Variants in GATB observed in about 807,000 individuals in gnomAD.
GATB encodes the protein glutamyl-tRNA(Gln) amidotransferase subunit B, mitochondrial.
In GATB, 39 loss-of-function variants were observed where a neutral mutation model predicts 62.3. The ratio of observed to expected loss-of-function variants is 0.63; its 90% CI spans 0.48 to 0.82. The LOEUF (loss-of-function observed/expected upper bound fraction) is 0.82. Ranked by LOEUF, GATB falls within the 40% of genes least tolerant of loss-of-function variation. The probability of loss-of-function intolerance (pLI) is 0.00; values close to 1 mark genes in which losing one functional copy is unlikely to be tolerated. For synonymous variants in GATB, 276 were observed against 258.9 expected, an observed-to-expected ratio of 1.07 and a Z score of -0.63; for missense variants, 670 against 684.0, an observed-to-expected ratio of 0.98 and a Z score of 0.23.
In GATB at chr4:151,716,141, A is replaced by G. The variant is rs1221159240; in HGVS notation, c.641-10T>C. 6.2e-7 allele frequency: 1 copy of G among 1,611,362 alleles called. No individual in the cohort carries two copies. The highest frequency in any genetic ancestry group is 1.3e-5 in the African/African-American group (1 of 74,798). The stretch of plus-strand genomic sequence containing the variant: ...TCCAGAAGGCCCACTCCTACCAAAG[A>G]GGGGCAGAGTCAGCCTCACTGCAGC... On this transcript the variant is annotated splice_polypyrimidine_tract_variant and intron_variant, in intron 4 of 12. Transcript: ENST00000263985.
rs533848852 is a variant in GATB at position 151,757,622 on chromosome 4, A to G, written c.327+1150T>C. 1.9e-4 allele frequency among the ~76,000 whole-genome samples: 29 copies of G among 152,090 alleles called. No homozygotes were observed. The South Asian group carries it at 5.2e-3, about 27-fold the overall frequency. On this transcript the variant is annotated intron_variant, in intron 2 of 12. Transcript: ENST00000263985. ...CCAGTAACTGGGACTACAGGAGCCC[A>G]CCACCATGCCCGGCTAATTTTTTGC... is the stretch of plus-strand genomic sequence containing the variant.
In GATB at chr4:151,699,257, C is replaced by T. The variant is rs562870489; in HGVS notation, c.1197+2072G>A. On this transcript the variant is annotated intron_variant, in intron 9 of 12. Transcript: ENST00000263985. ...ACAAAAAATTAGCCAGGAGTGGTGG[C>T]GCATGCCTGGAATCCCAGCTACTCG... 4.0e-4 allele frequency among the ~76,000 whole-genome samples: 60 copies of T among 151,890 alleles called. 1 individual carries two copies. In the South Asian group the frequency reaches 9.0e-3, roughly 23 times the overall value.
chr4:151,671,431 G>C, intron 12 of GATB, 129 bp from the exon 13 acceptor site: 1 of 886,148 alleles, frequency 1.1e-6, no homozygotes. Flanking sequence ...GACATAAAAT[G>C]TAGAACAGAA....
intron 11 of GATB, among the ~76,000 whole-genome samples, chr4:151,676,937 G>C (rs1738019028): frequency 6.6e-6 from 1 of 152,226 alleles, no homozygotes; most frequent in Non-Finnish European, 1.5e-5. Context: ...GACAGGCAGA[G>C]AAAGGCAGAT....
intron 9 of GATB, among the ~76,000 whole-genome samples, chr4:151,699,295 G>A (rs886267943): frequency 3.0e-4 from 45 of 151,720 alleles, no homozygotes; most frequent in African/African-American, 1.1e-3. Flanking sequence ...AGGCTGAGGT[G>A]GGAGGATGTC....
rs1738921735 is a variant in GATB at position 151,716,856 on chromosome 4, T to C, written c.640+20A>G. On this transcript the variant is annotated intron_variant, in intron 4 of 12. Coordinates refer to ENST00000263985, the MANE Select transcript of GATB (RefSeq NM_004564.3). ...GAACTGAAGTAGGAAGGAGAAATAA[T>C]GAAAACACTCCAAGCCTACCTGCCC... The C allele has an allele frequency of 6.2e-7, 1 of 1,612,012 alleles. No individual in the cohort carries two copies. Among genetic ancestry groups the C allele is most frequent in the Non-Finnish European group, 8.5e-7 (1 of 1,178,262 alleles).
chr4:151,726,067 T>G (rs1739131950), intron 2 of GATB, among the ~76,000 whole-genome samples: 1 of 152,218 alleles, frequency 6.6e-6, no homozygotes, highest in African/African-American at 2.4e-5. Context: ...CACATGGCAA[T>G]TACTCTGTGA....
intron 11 of GATB, chr4:151,677,242 A>G (rs1398192073): frequency 2.0e-5 from 3 of 152,236 alleles, no homozygotes; most frequent in African/African-American, 7.2e-5. Context: ...TCTGTAACAC[A>G]TTTTTCTTTT....
chr4:151,687,669 G>A (rs918352155), intron 10 of GATB, among the ~76,000 whole-genome samples: 5 of 152,198 alleles, frequency 3.3e-5, no homozygotes, highest in Admixed American at 2.6e-4. Context: ...GTCTAGAAGA[G>A]GTCACGAGGG....
intron 2 of GATB, among the ~76,000 whole-genome samples, chr4:151,747,739 T>G (rs960920601): frequency 2.4e-4 from 36 of 152,280 alleles, no homozygotes; most frequent in South Asian, 8.3e-4. Flanking sequence ...TGGAAAAATG[T>G]CTTCAAGTGC....
chr4:151,699,777 TACAC>T (rs35358434), intron 9 of GATB, among the ~76,000 whole-genome samples: 1 of 150,984 alleles, frequency 6.6e-6, no homozygotes, highest in African/African-American at 2.4e-5. Context: ...AGACAGCTAA[TACAC>T]ACACACACAC....
chr4:151,712,435 T>C lies in GATB; in HGVS notation c.763+3574A>G, dbSNP rs772294452. 4.6e-4 allele frequency among the ~76,000 whole-genome samples: 70 copies of C among 152,158 alleles called. 2 individuals are homozygous for C. Among genetic ancestry groups the C allele is most frequent in the Non-Finnish European group, 4.7e-4 (32 of 68,042 alleles). On this transcript the variant is annotated intron_variant, in intron 5 of 12. Transcript: ENST00000263985. ...AATTTCTATCTTCTAGAAGTAGAGA[T>C]TTATAACAGCAAAACTAAAAAAAAC... is the stretch of plus-strand genomic sequence containing the variant.
At chr4:151,671,646 GA>G (rs1432891694) in intron 12 of GATB, among the ~76,000 whole-genome samples, 6 of 152,178 alleles carry the variant, frequency 3.9e-5, no homozygotes, top group Admixed American at 6.5e-5. Context: ...CTGAGATGAT[GA>G]ATCACTGCGT....
intron 2 of GATB, among the ~76,000 whole-genome samples, chr4:151,724,721 T>C (rs1364515520): frequency 2.6e-5 from 4 of 152,074 alleles, no homozygotes; most frequent in African/African-American, 4.8e-5. Flanking sequence ...GTGACATCTT[T>C]CCCACCACTA....
chr4:151,747,142 G>A (rs895599153), intron 2 of GATB, among the ~76,000 whole-genome samples: 3 of 152,114 alleles, frequency 2.0e-5, no homozygotes, highest in African/African-American at 4.8e-5. Flanking sequence ...CTTGGTACAT[G>A]GTAGTTGATT....
chr4:151,676,545 G>A (rs1284568691), intron 11 of GATB: 1 of 148,708 alleles, frequency 6.7e-6, no homozygotes, highest in Non-Finnish European at 1.5e-5. Flanking sequence ...TGGGAATCCT[G>A]GGAGGCTGTT....
intron 9 of GATB, among the ~76,000 whole-genome samples, chr4:151,698,341 CTAGAGT>C (rs1738530603): frequency 6.6e-6 from 1 of 152,066 alleles, no homozygotes; most frequent in Non-Finnish European, 1.5e-5. Context: ...AAATTAAAGA[CTAGAGT>C]TAAATTCTGA....
At chr4:151,671,365 C>A in intron 12 of GATB, 63 bp from the exon 13 acceptor site, 1 of 1,488,378 alleles carries the variant, frequency 6.7e-7, no homozygotes, top group Non-Finnish European at 9.3e-7. Context: ...CCCCAAATCC[C>A]AAACTAAGGC....
chr4:151,731,734 C>T (rs1444180671), intron 2 of GATB, among the ~76,000 whole-genome samples: 5 of 151,810 alleles, frequency 3.3e-5, no homozygotes, highest in African/African-American at 1.2e-4. Flanking sequence ...GCTGCCCCGT[C>T]TGGGATGTGA....
Sources: allele counts gnomAD v4.1 joint callset (sites outside exome capture counted in the v4.1 genomes callset), GRCh38; gene constraint gnomAD v4.1.1; transcripts MANE v1.5; gene names NCBI Gene and HGNC (gene_info 2026-07-23, HGNC 2026-07-21).